Variants in VAV2 observed in about 807,000 individuals in gnomAD.
VAV2 encodes guanine nucleotide exchange factor VAV2.
Under a neutral mutation model 132.5 loss-of-function variants are expected in VAV2, and 67 were observed. The ratio of observed to expected loss-of-function variants is 0.51; its 90% CI spans 0.42 to 0.62. VAV2 has a LOEUF of 0.62. VAV2 is among the 20% of genes least tolerant of loss of function. VAV2 has a pLI of 0.00. For missense variants in VAV2, 938 were observed against 1,153.6 expected (o/e 0.81, Z 2.71); for synonymous variants, 492 against 443.5 (o/e 1.11, Z -1.37).
At chr9:133,861,559 A>G in intron 2 of VAV2, 127 bp from the exon 3 acceptor site, 1 of 1,005,224 alleles carries the variant, frequency 9.9e-7, no homozygotes, top group Non-Finnish European at 1.4e-6. Flanking sequence ...TGGGTAAGAA[A>G]CACGGCATAG....
chr9:133,805,996 CCCACTTACACAAGAGTT>C (rs898571397), intron 9 of VAV2, 68 bp downstream of exon 9: 28 of 1,423,370 alleles, frequency 2.0e-5, no homozygotes, highest in Non-Finnish European at 2.6e-5. Context: ...CCCCAAGAGT[CCCACTTACACAAGAGTT>C]CCACTTGTGT....
At position 133,770,387 on chromosome 9, in the gene VAV2, G is replaced by A. The variant is rs765122995; in HGVS notation, c.2338C>T (p.Arg780Trp). Residue 780 changes from arginine to tryptophan, a missense_variant, in exon 27 of 30, where the codon CGG becomes TGG. Transcript: ENST00000371850. Reference protein sequence around the residue: ...RERSASRASSRSPASCASYNF... With the variant: ...RERSASRASSWSPASCASYNF... ...TGGGCCGGGGCGTTACCTGGGGACC[G>A]GCTGGAGGCCCTGGAGGCCGAACGT... 8.1e-6 allele frequency: 13 copies of A among 1,613,920 alleles called. No homozygotes were observed. In the Admixed American group the frequency reaches 8.3e-5, roughly 10 times the overall value.
chr9:133,869,231 G>A (rs1837929475), intron 2 of VAV2, among the ~76,000 whole-genome samples: 1 of 151,912 alleles, frequency 6.6e-6, no homozygotes, highest in Admixed American at 6.6e-5. Flanking sequence ...CAGGTGATCC[G>A]CCCACCTCGG....
chr9:133,964,467 T>C (rs967289633), intron 1 of VAV2, among the ~76,000 whole-genome samples: 21 of 152,212 alleles, frequency 1.4e-4, no homozygotes, highest in Non-Finnish European at 2.8e-4. Flanking sequence ...TGCATGCGTA[T>C]GCTTTTTATA....
intron 1 of VAV2, among the ~76,000 whole-genome samples, chr9:133,959,881 T>C (rs2789862): frequency 0.65 from 99,264 of 152,080 alleles, 32,594 homozygotes; most frequent in East Asian, 0.79. Context: ...CTAGTGCCTC[T>C]GGAGGGAGGG....
intron 1 of VAV2, among the ~76,000 whole-genome samples, chr9:133,948,039 C>T (rs1462453086): frequency 3.3e-5 from 5 of 152,160 alleles, no homozygotes; most frequent in African/African-American, 1.2e-4. Flanking sequence ...GATCCACCTG[C>T]CTCGGCCTCC....
At chr9:133,849,924 T>A (rs1444725325) in intron 3 of VAV2, among the ~76,000 whole-genome samples, 1 of 152,220 alleles carries the variant, frequency 6.6e-6, no homozygotes, top group East Asian at 1.9e-4. Flanking sequence ...GACTCCTTTA[T>A]CCAATACAGT....
At chr9:133,839,474 G>T (rs1469182701) in intron 3 of VAV2, among the ~76,000 whole-genome samples, 1 of 147,204 alleles carries the variant, frequency 6.8e-6, no homozygotes, top group Admixed American at 6.7e-5. Flanking sequence ...TTTTTGAGAC[G>T]GAGTCTCACA....
chr9:133,881,003 G>A (rs1838471255), intron 2 of VAV2, among the ~76,000 whole-genome samples: 1 of 152,172 alleles, frequency 6.6e-6, no homozygotes. Flanking sequence ...TGCTCCCGGG[G>A]GCAGCAACAC....
chr9:133,990,124 G>T (rs1433052131), intron 1 of VAV2, among the ~76,000 whole-genome samples: 1 of 152,166 alleles, frequency 6.6e-6, no homozygotes, highest in Non-Finnish European at 1.5e-5. Flanking sequence ...CCTGGGAGGG[G>T]ACAGTGCCAG....
intron 2 of VAV2, among the ~76,000 whole-genome samples, chr9:133,880,547 A>C (rs558577099): frequency 5.3e-5 from 8 of 152,314 alleles, no homozygotes; most frequent in African/African-American, 1.9e-4. Flanking sequence ...TGCGGGGGGC[A>C]CTGCCAATGC....
intron 2 of VAV2, among the ~76,000 whole-genome samples, chr9:133,938,045 C>T (rs1417983958): frequency 6.6e-6 from 1 of 152,250 alleles, no homozygotes; most frequent in Admixed American, 6.5e-5. Context: ...CCTCTCAGAA[C>T]CGACTTCTCA....
rs371853671 is a variant in VAV2 at position 133,805,627 on chromosome 9, G to C, written c.836+454C>G. Among the ~76,000 whole-genome samples, 55 of 151,940 alleles carry C rather than the reference G, an allele frequency of 3.6e-4. 2 individuals carry two copies. In the East Asian group the frequency reaches 8.9e-3, roughly 25 times the overall value. On this transcript the variant is annotated intron_variant, in intron 9 of 29. Coordinates refer to ENST00000371850, the MANE Select transcript of VAV2 (RefSeq NM_001134398.2). ...ACCTCCCCAGCCTCCGGCAGCCTGGGCGTCATCTAAGCCCCAGAAACGCCA... is the reference window on the plus strand; with the variant it reads ...ACCTCCCCAGCCTCCGGCAGCCTGGCCGTCATCTAAGCCCCAGAAACGCCA...
intron 4 of VAV2, among the ~76,000 whole-genome samples, chr9:133,819,126 C>G (rs1408624916): frequency 6.6e-6 from 1 of 152,044 alleles, no homozygotes; most frequent in Non-Finnish European, 1.5e-5. Flanking sequence ...TGCACCACTT[C>G]CCATTAACCT....
chr9:133,916,548 G>A (rs1361019829), intron 2 of VAV2, among the ~76,000 whole-genome samples: 1 of 152,110 alleles, frequency 6.6e-6, no homozygotes, highest in Non-Finnish European at 1.5e-5. Context: ...GTGGGGCTGG[G>A]TGAGTGGGGG....
intron 1 of VAV2, among the ~76,000 whole-genome samples, chr9:133,985,081 G>GTA (rs1292070384): frequency 6.6e-6 from 1 of 152,084 alleles, no homozygotes; most frequent in Non-Finnish European, 1.5e-5. Context: ...ATGTCAACAT[G>GTA]TATAGACACA....
intron 2 of VAV2, among the ~76,000 whole-genome samples, chr9:133,877,141 G>A (rs138817839): frequency 1.3e-3 from 193 of 152,142 alleles, no homozygotes; most frequent in Admixed American, 3.1e-3. Context: ...ACCCCCGCCC[G>A]GCCTGCTAGA....
intron 2 of VAV2, among the ~76,000 whole-genome samples, chr9:133,915,187 G>C (rs1284702713): frequency 1.3e-5 from 2 of 152,114 alleles, no homozygotes; most frequent in Non-Finnish European, 2.9e-5. Context: ...ATTGGCTCTG[G>C]GGACATCAGG....
At chr9:133,959,470 C>T (rs142148397) in intron 1 of VAV2, among the ~76,000 whole-genome samples, 380 of 152,266 alleles carry the variant, frequency 2.5e-3, no homozygotes, top group Non-Finnish European at 4.1e-3. Context: ...CATTCTGCTG[C>T]AGGCCTGAGC....
Sources: allele counts gnomAD v4.1 joint callset (sites outside exome capture counted in the v4.1 genomes callset), GRCh38; gene constraint gnomAD v4.1.1; transcripts MANE v1.5; gene names NCBI Gene and HGNC (gene_info 2026-07-23, HGNC 2026-07-21).